The following IL17RD variants were observed in gnomAD, a reference collection of about 807,000 sequenced individuals.
IL17RD encodes the protein interleukin 17 receptor D, also known as interleukin-17 receptor D.
Under a neutral mutation model 80.5 loss-of-function variants are expected in IL17RD, and 52 were observed. The ratio of observed to expected loss-of-function variants is 0.65; its 90% CI spans 0.52 to 0.81. The LOEUF is 0.81. Among genes scored for constraint, IL17RD ranks in the 40% least tolerant of loss-of-function variants. The probability of loss-of-function intolerance (pLI) is 0.00; values close to 1 mark genes in which losing one functional copy is unlikely to be tolerated. For synonymous variants in IL17RD, 416 were observed against 391.8 expected (o/e 1.06, Z -0.73); for missense variants, 1,024 against 955.1 (o/e 1.07, Z -0.95).
At chr3:57,103,849 C>T (rs546630060) in intron 8 of IL17RD, among the ~76,000 whole-genome samples, 3 of 152,086 alleles carry the variant, frequency 2.0e-5, no homozygotes, top group East Asian at 1.9e-4. Context: ...GGATTACAGG[C>T]GCCCACCACC....
chr3:57,111,131 C>T (rs756780221), intron 3 of IL17RD, among the ~76,000 whole-genome samples: 7 of 152,248 alleles, frequency 4.6e-5, no homozygotes, highest in African/African-American at 1.2e-4. Flanking sequence ...CAAAGCCTGC[C>T]GCAATGGCGA....
chr3:57,142,633 C>T (rs1171405344), intron 1 of IL17RD: 3 of 422,168 alleles, frequency 7.1e-6, no homozygotes, highest in Non-Finnish European at 1.2e-5. Context: ...ACTTCCAGAA[C>T]GTCCTCATTG....
chr3:57,097,567 G>A (rs767921687), intron 12 of IL17RD, 29 bp downstream of exon 12: 29 of 1,526,946 alleles, frequency 1.9e-5, no homozygotes, highest in Non-Finnish European at 2.5e-5. Flanking sequence ...GCTGCGGCCT[G>A]TTAGGACCCG....
rs1339186929 is a variant in IL17RD at position 57,094,908 on chromosome 3, C to A, written c.*1485G>T. On this transcript the variant is annotated 3_prime_UTR_variant, in exon 13 of 13. Coordinates refer to ENST00000296318, the MANE Select transcript of IL17RD (RefSeq NM_017563.5). ...TCTTTTCCCAAAAAGCTGCCAGCTG[C>A]CTTTACAGAGCAGTGAGTATGACAT... The A allele has an allele frequency of 6.6e-6, 1 of 152,634 alleles. No homozygotes were observed. The highest frequency in any genetic ancestry group is 6.5e-5 in the Admixed American group (1 of 15,282). The allele number at this position is 152,634 out of a possible 1,614,324, so 9.5% of individuals were successfully genotyped here. A position where few individuals can be genotyped will look rare whatever the true frequency, so the allele number is the denominator to read the frequency against.
chr3:57,117,057 A>C (rs1707232689), intron 2 of IL17RD, among the ~76,000 whole-genome samples: 2 of 152,144 alleles, frequency 1.3e-5, no homozygotes, highest in Admixed American at 1.3e-4. Context: ...TCCTAATGCC[A>C]AAATTAATAC....
In IL17RD at chr3:57,109,535, AC is replaced by A; in HGVS notation, c.550+1del. The A allele has an allele frequency of 1.2e-6, 2 of 1,613,124 alleles. No homozygotes were observed. The highest frequency in any genetic ancestry group is 8.5e-7 in the Non-Finnish European group (1 of 1,179,616). Reference sequence around the variant, plus strand: ...GAACCAGGCAGGAAAGGCCATACTCACCTCGGGTTCTAAAGAAGAAAGGGTG... The same window carrying A: ...GAACCAGGCAGGAAAGGCCATACTCACTCGGGTTCTAAAGAAGAAAGGGTG... On this transcript the variant is annotated splice_donor_variant, in intron 5 of 12. Coordinates refer to ENST00000296318, the MANE Select transcript of IL17RD (RefSeq NM_017563.5). LOFTEE classifies it high-confidence loss of function.
rs1215812526 is a variant in IL17RD, at chr3:57,122,346, C to T, written c.127-2033G>A. 4.6e-5 allele frequency among the ~76,000 whole-genome samples: 7 copies of T among 152,326 alleles called. No individual in the cohort carries two copies. In the South Asian group the frequency reaches 1.0e-3, roughly 23 times the overall value. ...ATCCTCCCATCCTCCACCGGATGCC[C>T]GATGGCAAACCACTCTACTCTAGGG... is the stretch of plus-strand genomic sequence containing the variant. On this transcript the variant is annotated intron_variant, in intron 1 of 12. Transcript: ENST00000296318.
intron 1 of IL17RD, among the ~76,000 whole-genome samples, chr3:57,153,756 G>A (rs2060246165): frequency 6.6e-6 from 1 of 152,188 alleles, no homozygotes; most frequent in Admixed American, 6.5e-5. Flanking sequence ...ATCCCCATGT[G>A]GGGCTGTAAG....
At chr3:57,146,820 C>CTTTT (rs761583197) in intron 1 of IL17RD, among the ~76,000 whole-genome samples, 2 of 101,220 alleles carry the variant, frequency 2.0e-5, no homozygotes, top group African/African-American at 3.8e-5. Flanking sequence ...GAGAGGTATT[C>CTTTT]TTTTTTTTTT....
chr3:57,098,397 T>G lies in IL17RD; in HGVS notation c.1306A>C (p.Lys436Gln), dbSNP rs1411341050. The G allele has an allele frequency of 3.1e-6, 5 of 1,613,926 alleles. No homozygotes were observed. Among genetic ancestry groups the G allele is most frequent in the Non-Finnish European group, 4.2e-6 (5 of 1,179,906 alleles). Reference sequence around the variant, plus strand: ...GAGCCTCGGCCACCTCCTTTGTGTTTGTAGTTCTTCTTGTCCACAAAGTAC... The same window carrying G: ...GAGCCTCGGCCACCTCCTTTGTGTTGGTAGTTCTTCTTGTCCACAAAGTAC... ...MKYFVDKKNY[K>Q]HKGGGRGSGK... is the part of the protein sequence containing the mutation. The change falls in exon 12 of 13, where the codon AAA becomes CAA. Residue 436 changes from lysine (K) to glutamine (Q), a missense_variant. Transcript: ENST00000296318.
At chr3:57,112,880 G>A (rs9836201) in intron 3 of IL17RD, among the ~76,000 whole-genome samples, 4,486 of 152,250 alleles carry the variant, frequency 0.029, 213 homozygotes, top group African/African-American at 0.1. Context: ...GTGTCAAAGC[G>A]GCAGTCCTGA....
intron 11 of IL17RD, among the ~76,000 whole-genome samples, chr3:57,100,282 T>G (rs1225113130): frequency 6.6e-6 from 1 of 152,212 alleles, no homozygotes; most frequent in African/African-American, 2.4e-5. Context: ...GTATGTTATG[T>G]TGACACTAGG....
At chr3:57,133,056 AGC>A (rs1332470402) in intron 1 of IL17RD, among the ~76,000 whole-genome samples, 3 of 152,252 alleles carry the variant, frequency 2.0e-5, no homozygotes, top group Non-Finnish European at 4.4e-5. Flanking sequence ...CTCCTACTCC[AGC>A]CACAGCAAAA....
At chr3:57,129,310 C>T (rs1043530919) in intron 1 of IL17RD, among the ~76,000 whole-genome samples, 3 of 152,134 alleles carry the variant, frequency 2.0e-5, no homozygotes, top group African/African-American at 7.2e-5. Flanking sequence ...ACTCCAGAAG[C>T]CGAAAAAGTC....
At chr3:57,105,536 C>CAAAA (rs745910085) in intron 7 of IL17RD, among the ~76,000 whole-genome samples, 7 of 35,594 alleles carry the variant, frequency 2.0e-4, no homozygotes, top group Admixed American at 3.5e-4. Context: ...GACTCCATCT[C>CAAAA]AAAAAAAAAA....
chr3:57,096,554 G>C (rs1424073725), intron 12 of IL17RD, 49 bp from the exon 13 acceptor site: 12 of 1,272,538 alleles, frequency 9.4e-6, no homozygotes, highest in East Asian at 2.3e-5. Context: ...CATTTCACTG[G>C]GCTGGGCAGG....
At chr3:57,112,910 G>C (rs1181432032) in intron 3 of IL17RD, among the ~76,000 whole-genome samples, 1 of 152,222 alleles carries the variant, frequency 6.6e-6, no homozygotes, top group Non-Finnish European at 1.5e-5. Flanking sequence ...TCTGATCATG[G>C]TAATAGCAGC....
intron 1 of IL17RD, among the ~76,000 whole-genome samples, chr3:57,125,960 A>G (rs1707451031): frequency 6.6e-6 from 1 of 152,184 alleles, no homozygotes; most frequent in African/African-American, 2.4e-5. Flanking sequence ...CCAAGAACCT[A>G]GCTTGGTGTT....
intron 1 of IL17RD, among the ~76,000 whole-genome samples, chr3:57,144,390 A>C (rs981338058): frequency 3.9e-5 from 6 of 152,056 alleles, no homozygotes; most frequent in Admixed American, 6.5e-5. Flanking sequence ...CCTGTGGAGG[A>C]GTCCATCTTC....
Sources: allele counts gnomAD v4.1 joint callset (sites outside exome capture counted in the v4.1 genomes callset), GRCh38; gene constraint gnomAD v4.1.1; transcripts MANE v1.5; gene names NCBI Gene and HGNC (gene_info 2026-07-23, HGNC 2026-07-21).